The following BAZ2A variants were observed in gnomAD, a reference collection of about 807,000 sequenced individuals.
BAZ2A encodes bromodomain adjacent to zinc finger domain protein 2A.
In BAZ2A, 34 loss-of-function variants were observed where a neutral mutation model predicts 199.9. The observed-to-expected ratio is 0.17, with a 90% confidence interval of 0.13 to 0.23. BAZ2A has a LOEUF of 0.23. Ranked by LOEUF, BAZ2A falls within the 10% of genes least tolerant of loss-of-function variation. The pLI is 1.00. For synonymous variants in BAZ2A, 857 were observed against 883.9 expected (o/e 0.97, Z 0.54); for missense variants, 2,002 against 2,391.1 (o/e 0.84, Z 3.39).
chr12:56,630,213 G>A lies in BAZ2A; in HGVS notation c.-91C>T. On this transcript the variant is annotated 5_prime_UTR_variant, in exon 1 of 29. Transcript: ENST00000549884. ...TGGCCGCGCTCCGGGCGCCAGAACGGGTGGAGACGCCCGCTGGGGAGGGGG... is the reference window on the plus strand; with the variant it reads ...TGGCCGCGCTCCGGGCGCCAGAACGAGTGGAGACGCCCGCTGGGGAGGGGG... 1.0e-6 allele frequency: 1 copy of A among 985,552 alleles called. No homozygotes were observed. Among genetic ancestry groups the A allele is most frequent in the Non-Finnish European group, 1.2e-6 (1 of 829,992 alleles). 61.1% of individuals were successfully genotyped at this position (985,552 alleles called of 1,614,324 possible). A position where few individuals can be genotyped will look rare whatever the true frequency, so the allele number is the denominator to read the frequency against.
intron 10 of BAZ2A, among the ~76,000 whole-genome samples, chr12:56,607,431 G>A (rs530897194): frequency 1.3e-5 from 2 of 152,142 alleles, no homozygotes; most frequent in Non-Finnish European, 2.9e-5. Flanking sequence ...AAGTGCAATG[G>A]CACAATCTCG....
At chr12:56,628,177 C>CAAAA (rs57372528) in intron 1 of BAZ2A, among the ~76,000 whole-genome samples, 5,707 of 27,962 alleles carry the variant, frequency 0.2, 511 homozygotes, top group Non-Finnish European at 0.3. Flanking sequence ...AACTCCGTCT[C>CAAAA]AAAAAAAAAA....
At chr12:56,626,458 G>A (rs918853873) in intron 1 of BAZ2A, among the ~76,000 whole-genome samples, 1 of 152,184 alleles carries the variant, frequency 6.6e-6, no homozygotes, top group Non-Finnish European at 1.5e-5. Context: ...AACAAGCTTT[G>A]CTTCTCTCCC....
Position 56,612,191 on chromosome 12 carries a change from A to T in BAZ2A, c.1191T>A (p.Thr397=). Residue 397 remains threonine (T), a synonymous_variant, in exon 6 of 29, where the codon ACT becomes ACA. Coordinates refer to ENST00000549884, the MANE Select transcript of BAZ2A (RefSeq NM_001300905.2). Reference sequence around the variant, plus strand: ...GGGATGGTGGGAAGTCTGAAGATTGAGTTTCCATTTCTTCCTGTTCAGCGT... The same window carrying T: ...GGGATGGTGGGAAGTCTGAAGATTGTGTTTCCATTTCTTCCTGTTCAGCGT... ...GSDAEQEEME[T]QSSDFPPSLT... The T allele has an allele frequency of 6.2e-7, 1 of 1,613,632 alleles. No individual in the cohort carries two copies. The highest frequency in any genetic ancestry group is 8.5e-7 in the Non-Finnish European group (1 of 1,179,832).
At chr12:56,633,651 C>A (rs1246013610), upstream of BAZ2A, among the ~76,000 whole-genome samples, 2 of 151,854 alleles carry the variant, frequency 1.3e-5, no homozygotes, top group Non-Finnish European at 2.9e-5. Flanking sequence ...AAGTCTTCAC[C>A]CCCTCTACAA....
In BAZ2A at chr12:56,615,344, G is replaced by T; in HGVS notation, c.400C>A (p.Pro134Thr). The change falls in exon 3 of 29, where the codon CCA (proline) becomes ACA (threonine). Residue 134 changes from proline to threonine, a missense_variant. This residue lies in a region of BAZ2A where 641 missense variants were observed against 694.5 expected (regional missense o/e 0.92). Coordinates refer to ENST00000549884, the MANE Select transcript of BAZ2A (RefSeq NM_001300905.2). ...GCCCGAAGGTTAGTGTTATGACTTGGGGATGAAGGTTGCCGGCTGCCCCCA... is the reference window on the plus strand; with the variant it reads ...GCCCGAAGGTTAGTGTTATGACTTGTGGATGAAGGTTGCCGGCTGCCCCCA... The part of the protein sequence containing the change: ...ILGGSRQPSS[P>T]SHNTNLRAGS... 6 of 1,613,824 alleles carry T rather than the reference G, an allele frequency of 3.7e-6. No homozygotes were observed. Among genetic ancestry groups the T allele is most frequent in the Non-Finnish European group, 5.1e-6 (6 of 1,179,778 alleles).
At chr12:56,619,366 G>A (rs1375833080) in intron 1 of BAZ2A, among the ~76,000 whole-genome samples, 2 of 150,872 alleles carry the variant, frequency 1.3e-5, no homozygotes, top group African/African-American at 4.9e-5. Context: ...AAAGGAGCAG[G>A]GTGTGGTGGG....
In BAZ2A at chr12:56,600,716, C is replaced by G. The variant is rs1005974465; in HGVS notation, c.4567G>C (p.Glu1523Gln). 3 of 1,613,450 alleles carry G rather than the reference C, an allele frequency of 1.9e-6. No individual in the cohort carries two copies. The African/African-American group carries it at 4.0e-5, about 22-fold the overall frequency. The change falls in exon 23 of 29, where the codon GAG becomes CAG. Residue 1523 changes from glutamate to glutamine, a missense_variant. Glu to Gln is a conservative substitution (Grantham distance 29). This residue lies in a region of BAZ2A where 1,081 missense variants were observed against 1,274.7 expected (regional missense o/e 0.85). Coordinates refer to ENST00000549884, the MANE Select transcript of BAZ2A (RefSeq NM_001300905.2). ...LAVLQWVEEL[E>Q]QRVIMSDLQI... ...AGATCAGACATGATAACCCGCTGCT[C>G]CAGCTCCTCTACCCATTGAAGCACT...
In BAZ2A at chr12:56,598,674, G is replaced by T. The variant is rs776034004; in HGVS notation, c.5656C>A (p.Arg1886Ser). Reference sequence around the variant, plus strand: ...TCCTCCCAGCGGCTCTCGAAGAAGCGGCGCATGATGTGCCCAGCCTTGCCT... The same window carrying T: ...TCCTCCCAGCGGCTCTCGAAGAAGCTGCGCATGATGTGCCCAGCCTTGCCT... Reference protein sequence around the residue: ...EVGKAGHIMRRFFESRWEEFY... With the variant: ...EVGKAGHIMRSFFESRWEEFY... The change falls in exon 29 of 29, where the codon CGC (arginine) becomes AGC (serine). Residue 1886 changes from arginine to serine, a missense_variant. Around this residue, in one of 6 missense-constraint regions of BAZ2A, gnomAD observed 76 missense variants for 139.3 expected, o/e 0.55. Coordinates refer to ENST00000549884, the MANE Select transcript of BAZ2A (RefSeq NM_001300905.2). 3 of 1,613,762 alleles carry T rather than the reference G, an allele frequency of 1.9e-6. No homozygotes were observed. Among genetic ancestry groups the T allele is most frequent in the South Asian group, 2.2e-5 (2 of 91,026 alleles).
intron 1 of BAZ2A, among the ~76,000 whole-genome samples, chr12:56,625,316 C>T (rs756905070): frequency 2.0e-5 from 3 of 151,670 alleles, no homozygotes; most frequent in Non-Finnish European, 2.9e-5. Flanking sequence ...CCATCACACC[C>T]GGCTAATTTT....
intron 1 of BAZ2A, chr12:56,621,292 A>G (rs1051727789): frequency 1.0e-6 from 1 of 974,962 alleles, no homozygotes; most frequent in Non-Finnish European, 1.2e-6. Flanking sequence ...GTAAATATTA[A>G]TAACAACATG....
intron 1 of BAZ2A, among the ~76,000 whole-genome samples, chr12:56,625,830 C>G (rs1487968392): frequency 6.9e-6 from 1 of 144,422 alleles, no homozygotes; most frequent in African/African-American, 2.6e-5. Flanking sequence ...GAGTCGAGAT[C>G]GCGCCACTGC....
At chr12:56,605,791 T>A in intron 13 of BAZ2A, 39 bp downstream of exon 13, 1 of 1,549,216 alleles carries the variant, frequency 6.5e-7, no homozygotes, top group South Asian at 1.2e-5. Flanking sequence ...AGGAAAGTCT[T>A]CCCAGCTGAC....
Position 56,603,658 on chromosome 12 carries a change from T to C in BAZ2A, c.3081A>G (p.Val1027=). Residue 1027 remains valine (V), a synonymous_variant, in exon 17 of 29, where the codon GTA becomes GTG. Transcript: ENST00000549884. ...VLAKRTGRSE[V]EMEGPEECLG... ...GGCATTCCTCTGGCCCTTCCATCTC[T>C]ACTTCAGACCGCCCAGTTCGCTTGG... 1 of 1,613,886 alleles carries C rather than the reference T, an allele frequency of 6.2e-7. No individual in the cohort carries two copies. The highest frequency in any genetic ancestry group is 2.2e-5 in the East Asian group (1 of 44,892).
chr12:56,597,625 CGCTCTGAGGCCG>C lies in BAZ2A; in HGVS notation c.*981_*992del, dbSNP rs1565800792. On this transcript the variant is annotated 3_prime_UTR_variant, in exon 29 of 29. Coordinates refer to ENST00000549884, the MANE Select transcript of BAZ2A (RefSeq NM_001300905.2). Reference sequence around the variant, plus strand: ...GACACACACACACACACACACAGCGCGCTCTGAGGCCGACACACACACACACACACACACACA... The same window carrying C: ...GACACACACACACACACACACAGCGCACACACACACACACACACACACACA... 23 of 112,320 alleles carry C rather than the reference CGCTCTGAGGCCG, an allele frequency of 2.0e-4. No homozygotes were observed. Among genetic ancestry groups the C allele is most frequent in the African/African-American group, 1.1e-3 (21 of 19,154 alleles). 7.0% of individuals were successfully genotyped at this position (112,320 alleles called of 1,614,324 possible). A position where few individuals can be genotyped will look rare whatever the true frequency, so the allele number is the denominator to read the frequency against.
chr12:56,609,148 G>C (rs1008634906), intron 10 of BAZ2A, among the ~76,000 whole-genome samples: 2 of 152,056 alleles, frequency 1.3e-5, no homozygotes, highest in African/African-American at 4.8e-5. Context: ...GAAGTGCTGG[G>C]ATTACAGGTG....
upstream of BAZ2A, among the ~76,000 whole-genome samples, chr12:56,633,630 G>C (rs533343832): frequency 1.8e-4 from 28 of 151,868 alleles, no homozygotes; most frequent in African/African-American, 6.0e-4. Flanking sequence ...CCCCCCACCA[G>C]GTTAAAGCAA....
upstream of BAZ2A, chr12:56,630,713 T>C (rs1236906416): frequency 2.2e-6 from 2 of 913,340 alleles, no homozygotes; most frequent in Admixed American, 6.2e-5. Context: ...ATAGAAAGGT[T>C]AGTCACTCAG....
intron 9 of BAZ2A, 28 bp from the exon 10 acceptor site, chr12:56,609,974 T>C (rs1318037970): frequency 1.2e-6 from 2 of 1,609,608 alleles, no homozygotes; most frequent in African/African-American, 1.3e-5. Flanking sequence ...ACTGTTACAG[T>C]AGTAAGGAAT....
Sources: gnomAD v4.1 joint callset for allele counts (sites outside exome capture counted in the v4.1 genomes callset) on GRCh38, gnomAD v4.1.1 for gene constraint, gnomAD v4.1.1 regional missense constraint, MANE v1.5 for transcripts, NCBI Gene and HGNC (gene_info 2026-07-23, HGNC 2026-07-21) for gene names.